The following TCTN2 variants were observed in gnomAD, a reference collection of about 807,000 sequenced individuals.
The protein encoded by TCTN2 is tectonic family member 2, also known as tectonic-2.
Under a neutral mutation model 83.4 loss-of-function variants are expected in TCTN2, and 66 were observed. The ratio of observed to expected loss-of-function variants is 0.79; its 90% CI spans 0.65 to 0.97. The LOEUF is 0.97. TCTN2 is among the 50% of genes least tolerant of loss of function. The pLI, the probability that TCTN2 is intolerant of heterozygous loss-of-function variation, is 0.00. For synonymous variants in TCTN2, 301 were observed against 326.7 expected (o/e 0.92, Z 0.85); for missense variants, 794 against 858.1 (o/e 0.93, Z 0.93).
At chr12:123,703,332 C>T (rs1593867346) in intron 14 of TCTN2, among the ~76,000 whole-genome samples, 1 of 152,108 alleles carries the variant, frequency 6.6e-6, no homozygotes, top group East Asian at 1.9e-4. Context: ...CAGGTGTGCG[C>T]CACCATACCT....
chr12:123,671,730 A>G, intron 2 of TCTN2, 116 bp downstream of exon 2: 2 of 871,814 alleles, frequency 2.3e-6, no homozygotes, highest in South Asian at 1.5e-5. Flanking sequence ...GCAAAGTCGC[A>G]TGGGGAGAAA....
At chr12:123,688,373 A>AC (rs950722593) in intron 7 of TCTN2, among the ~76,000 whole-genome samples, 196 bp downstream of exon 7, 4 of 151,326 alleles carry the variant, frequency 2.6e-5, no homozygotes, top group Non-Finnish European at 4.4e-5. Flanking sequence ...GTGCCACCGC[A>AC]CCCAGCCAAT....
chr12:123,691,352 C>A (rs1956038737), intron 8 of TCTN2, among the ~76,000 whole-genome samples: 1 of 152,186 alleles, frequency 6.6e-6, no homozygotes, highest in Non-Finnish European at 1.5e-5. Flanking sequence ...CTTTCTGTCT[C>A]CGTGGATTGC....
In TCTN2 at chr12:123,704,606, C is replaced by T. The variant is rs965551735; in HGVS notation, c.1687C>T (p.His563Tyr). 5.0e-6 allele frequency: 8 copies of T among 1,613,516 alleles called. No homozygotes were observed. ...VNGMCLDIPA[H>Y]LSIRILISDA... ...CGGCATGTGCCTGGATATTCCTGCT[C>T]ACCTGAGCATCCGCATCCTCATCTC... is the stretch of plus-strand genomic sequence containing the variant. Residue 563 changes from histidine to tyrosine, a missense_variant, in exon 15 of 18, where the codon CAC (histidine) becomes TAC (tyrosine). By Grantham distance (83) the His-to-Tyr change is moderately conservative (BLOSUM62 2). Transcript: ENST00000303372.
At chr12:123,691,739 G>GTTT (rs1016993888) in intron 8 of TCTN2, among the ~76,000 whole-genome samples, 3 of 148,766 alleles carry the variant, frequency 2.0e-5, no homozygotes, top group South Asian at 2.1e-4. Flanking sequence ...TGTTTTTTTG[G>GTTT]TTTTTTTTTT....
Position 123,690,599 on chromosome 12 carries a change from T to C in TCTN2, c.958T>C (p.Cys320Arg), listed in dbSNP as rs1401152814. The part of the protein sequence containing the change: ...VAFLHNFDVK[C>R]VTNLELYQER... Reference sequence around the variant, plus strand: ...ATTTCTTCACAATTTTGATGTTAAATGCGTTACTAATTTGGAACTATACCA... The same window carrying C: ...ATTTCTTCACAATTTTGATGTTAAACGCGTTACTAATTTGGAACTATACCA... The change falls in exon 8 of 18, where the codon TGC (cysteine) becomes CGC (arginine). Residue 320 changes from cysteine (C) to arginine (R), a missense_variant. Coordinates refer to ENST00000303372, the MANE Select transcript of TCTN2 (RefSeq NM_024809.5). 1.9e-6 allele frequency: 3 copies of C among 1,614,194 alleles called. No individual in the cohort carries two copies. Among genetic ancestry groups the C allele is most frequent in the African/African-American group, 1.3e-5 (1 of 75,054 alleles).
chr12:123,696,581 A>C, intron 12 of TCTN2, 86 bp downstream of exon 12: 1 of 1,247,288 alleles, frequency 8.0e-7, no homozygotes, highest in Non-Finnish European at 1.2e-6. Context: ...CAAGCAATCA[A>C]TTATTTTAAA....
chr12:123,695,440 G>T, intron 11 of TCTN2, 143 bp downstream of exon 11: 1 of 665,850 alleles, frequency 1.5e-6, no homozygotes. Context: ...TTCTTTTTTT[G>T]AGACGGAGTC....
chr12:123,706,235 A>T (rs1401538276), intron 15 of TCTN2, among the ~76,000 whole-genome samples: 2 of 152,176 alleles, frequency 1.3e-5, no homozygotes, highest in African/African-American at 4.8e-5. Flanking sequence ...CTGGAAATGG[A>T]GAGTGGTGGC....
intron 8 of TCTN2, among the ~76,000 whole-genome samples, chr12:123,691,739 G>GTT (rs1016993888): frequency 6.7e-6 from 1 of 148,770 alleles, no homozygotes; most frequent in Non-Finnish European, 1.5e-5. Context: ...TGTTTTTTTG[G>GTT]TTTTTTTTTT....
At chr12:123,678,748 C>A (rs528131093) in intron 4 of TCTN2, among the ~76,000 whole-genome samples, 1 of 150,888 alleles carries the variant, frequency 6.6e-6, no homozygotes, top group African/African-American at 2.4e-5. Context: ...TTCGTGGATT[C>A]CTTAATGTCA....
rs1474128883 is a variant in TCTN2 at position 123,708,038 on chromosome 12, G to A, written c.*325G>A. 6.1e-5 allele frequency: 14 copies of A among 231,254 alleles called. No homozygotes were observed. The East Asian group carries it at 6.1e-4, about 10-fold the overall frequency. 14.3% of individuals were successfully genotyped at this position (231,254 alleles called of 1,614,324 possible). ...TTTTTTTTTTTTTTTTTTGAGGCGG[G>A]GTCTCTGTCACCCAGGCTGGAGTGC... On this transcript the variant is annotated 3_prime_UTR_variant, in exon 18 of 18. Transcript: ENST00000303372.
At chr12:123,683,293 T>G (rs1445796495) in intron 5 of TCTN2, among the ~76,000 whole-genome samples, 1 of 152,026 alleles carries the variant, frequency 6.6e-6, no homozygotes, top group Non-Finnish European at 1.5e-5. Flanking sequence ...TTTTTATTAT[T>G]ATTTTGAGAC....
At chr12:123,695,033 T>C (rs1593857574) in intron 10 of TCTN2, 57 bp downstream of exon 10, 1 of 1,601,712 alleles carries the variant, frequency 6.2e-7, no homozygotes, top group East Asian at 2.2e-5. Context: ...TTTTTTCCTC[T>C]TTTCAAGATT....
intron 15 of TCTN2, among the ~76,000 whole-genome samples, chr12:123,706,019 G>A (rs1044777334): frequency 6.6e-6 from 1 of 152,080 alleles, no homozygotes; most frequent in South Asian, 2.1e-4. Flanking sequence ...GCCTCCCAAA[G>A]TGCTGGGATT....
At chr12:123,703,190 C>A (rs1593867185) in intron 14 of TCTN2, among the ~76,000 whole-genome samples, 1 of 141,586 alleles carries the variant, frequency 7.1e-6, no homozygotes, top group Admixed American at 7.0e-5. Context: ...CAATTATTAT[C>A]ATTATTTTTT....
At chr12:123,681,256 C>CAAAAAAAAAAAAA (rs71088946) in intron 5 of TCTN2, among the ~76,000 whole-genome samples, 4 of 142,842 alleles carry the variant, frequency 2.8e-5, no homozygotes, top group Non-Finnish European at 3.0e-5. Context: ...GACTCTCTTT[C>CAAAAAAAAAAAAA]AAAAAAAAAG....
In TCTN2 at chr12:123,671,926, C is replaced by T. The variant is rs1009334979; in HGVS notation, c.191-130C>T. On this transcript the variant is annotated intron_variant, in intron 2 of 17. Coordinates refer to ENST00000303372, the MANE Select transcript of TCTN2 (RefSeq NM_024809.5). Reference sequence around the variant, plus strand: ...CAAGTTCAGAGAGGTTGTCACTGTCCCAGTGTCAAGCAGCTTGTAAAGGGC... The same window carrying T: ...CAAGTTCAGAGAGGTTGTCACTGTCTCAGTGTCAAGCAGCTTGTAAAGGGC... The T allele has an allele frequency of 3.5e-5, 29 of 822,774 alleles. No individual in the cohort carries two copies. In the Admixed American group the frequency reaches 4.8e-4, roughly 14 times the overall value. The allele number at this position is 822,774 out of a possible 1,614,324, so 51.0% of individuals were successfully genotyped here.
intron 5 of TCTN2, among the ~76,000 whole-genome samples, chr12:123,684,608 C>T (rs764580036): frequency 6.6e-6 from 1 of 151,888 alleles, no homozygotes; most frequent in Admixed American, 6.6e-5. Flanking sequence ...CCATGTTCAC[C>T]AGGCTGGCCT....
Sources: gnomAD v4.1 joint callset for allele counts (sites outside exome capture counted in the v4.1 genomes callset) on GRCh38, gnomAD v4.1.1 for gene constraint, MANE v1.5 for transcripts, NCBI Gene and HGNC (gene_info 2026-07-23, HGNC 2026-07-21) for gene names.